The following PRKCE variants were observed in gnomAD, a reference collection of about 807,000 sequenced individuals.
PRKCE encodes protein kinase C epsilon type.
In PRKCE, 16 loss-of-function variants were observed where a neutral mutation model predicts 85.4. That is an observed-to-expected ratio of 0.19 (90% CI 0.13 to 0.28). The LOEUF is 0.28. Ranked by LOEUF, PRKCE falls within the 10% of genes least tolerant of loss-of-function variation. The pLI, the probability that PRKCE is intolerant of heterozygous loss-of-function variation, is 1.00. For missense variants in PRKCE, 573 were observed against 975.2 expected, an observed-to-expected ratio of 0.59 and a Z score of 5.49; for synonymous variants, 388 against 371.5, an observed-to-expected ratio of 1.04 and a Z score of -0.51.
intron 1 of PRKCE, among the ~76,000 whole-genome samples, chr2:45,765,526 T>C (rs1030104853): frequency 1.3e-5 from 2 of 152,246 alleles, no homozygotes; most frequent in Admixed American, 6.5e-5. Context: ...ATACCTTTTG[T>C]GGTTTGCTTC....
At chr2:46,100,679 A>G (rs1185414566) in intron 11 of PRKCE, among the ~76,000 whole-genome samples, 2 of 152,184 alleles carry the variant, frequency 1.3e-5, no homozygotes, top group Non-Finnish European at 1.5e-5. Context: ...AACTAAGAAA[A>G]ATATCTGTTG....
chr2:45,922,796 G>C (rs1033610018), intron 2 of PRKCE, among the ~76,000 whole-genome samples: 2 of 152,176 alleles, frequency 1.3e-5, no homozygotes, highest in African/African-American at 4.8e-5. Context: ...CAGTGCAAAC[G>C]GGTGTATCTT....
At chr2:46,035,066 G>A (rs1398291978) in intron 10 of PRKCE, among the ~76,000 whole-genome samples, 1 of 152,204 alleles carries the variant, frequency 6.6e-6, no homozygotes, top group Non-Finnish European at 1.5e-5. Context: ...GAAGCTGAAG[G>A]TCTCACCCTT....
chr2:45,890,784 T>C (rs781781235), intron 2 of PRKCE, among the ~76,000 whole-genome samples: 9 of 152,216 alleles, frequency 5.9e-5, no homozygotes, highest in South Asian at 2.1e-4. Flanking sequence ...TACAAGTATA[T>C]GGAGTGCCTA....
rs1236280845 is a variant in PRKCE, at chr2:45,744,535, C to CTTCT, written c.348+92101_348+92104dup. Among the ~76,000 whole-genome samples the CTTCT allele has an allele frequency of 4.7e-3, 137 of 29,114 alleles. 8 individuals are homozygous for CTTCT. The highest frequency in any genetic ancestry group is 0.021 in the Middle Eastern group (1 of 48). 19.1% of individuals were successfully genotyped at this position (29,114 alleles called of 152,430 possible). A position where few individuals can be genotyped will look rare whatever the true frequency, so the allele number is the denominator to read the frequency against. ...TTCTTTCTTTCTTTCTTTTTCTTTC[C>CTTCT]TTCTTTCTTTCTTTCTTCCTTCCTT... On this transcript the variant is annotated intron_variant, in intron 1 of 14. Transcript: ENST00000306156.
intron 1 of PRKCE, among the ~76,000 whole-genome samples, chr2:45,811,540 A>G (rs537356912): frequency 6.6e-6 from 1 of 152,356 alleles, no homozygotes; most frequent in African/African-American, 2.4e-5. Context: ...CCTGCGTTGT[A>G]ATTTTTCTTA....
intron 2 of PRKCE, among the ~76,000 whole-genome samples, chr2:45,938,910 G>T (rs147808499): frequency 6.6e-6 from 1 of 152,112 alleles, no homozygotes; most frequent in African/African-American, 2.4e-5. Context: ...CACCTCATTC[G>T]TAACTCTTTC....
chr2:45,763,015 G>A (rs746486137), intron 1 of PRKCE, among the ~76,000 whole-genome samples: 29 of 150,930 alleles, frequency 1.9e-4, no homozygotes, highest in Admixed American at 3.3e-4. Flanking sequence ...GCAGTGGCGC[G>A]ATCTCGGCTC....
intron 7 of PRKCE, among the ~76,000 whole-genome samples, chr2:46,002,527 A>T (rs948497134): frequency 6.6e-6 from 1 of 152,302 alleles, no homozygotes; most frequent in Admixed American, 6.5e-5. Flanking sequence ...CTTCTCTTGT[A>T]TAGGAAAGGT....
chr2:46,032,423 C>T (rs952381148), intron 10 of PRKCE, among the ~76,000 whole-genome samples: 5 of 152,220 alleles, frequency 3.3e-5, no homozygotes, highest in Admixed American at 3.3e-4. Flanking sequence ...CGCCATCCCT[C>T]TCTTAAAATG....
intron 10 of PRKCE, among the ~76,000 whole-genome samples, chr2:46,048,060 T>G (rs1708633428): frequency 1.3e-5 from 2 of 152,166 alleles, no homozygotes; most frequent in East Asian, 1.9e-4. Context: ...ACTCACCTAC[T>G]TCTAAACAGC....
At chr2:45,839,871 G>A (rs1443117643) in intron 1 of PRKCE, among the ~76,000 whole-genome samples, 1 of 152,220 alleles carries the variant, frequency 6.6e-6, no homozygotes, top group Non-Finnish European at 1.5e-5. Context: ...TGTTGCTTTT[G>A]GCATGTTTAA....
chr2:45,682,526 A>G (rs1676986415), intron 1 of PRKCE, among the ~76,000 whole-genome samples: 1 of 152,198 alleles, frequency 6.6e-6, no homozygotes, highest in Non-Finnish European at 1.5e-5. Flanking sequence ...TCCTGGGTTC[A>G]AGTGACTCTT....
intron 1 of PRKCE, among the ~76,000 whole-genome samples, chr2:45,655,873 G>C (rs1281868766): frequency 6.9e-6 from 1 of 145,152 alleles, no homozygotes. Flanking sequence ...AAAAAAAAAG[G>C]TAGGGAGAAC....
At chr2:46,016,573 T>C (rs1386605750) in intron 10 of PRKCE, among the ~76,000 whole-genome samples, 1 of 152,140 alleles carries the variant, frequency 6.6e-6, no homozygotes. Flanking sequence ...CCTCTTTGCA[T>C]ATAAGGAAAC....
intron 10 of PRKCE, among the ~76,000 whole-genome samples, chr2:46,085,888 C>G (rs1393034105): frequency 6.6e-6 from 1 of 152,112 alleles, no homozygotes; most frequent in Non-Finnish European, 1.5e-5. Context: ...AGGGCAGAGA[C>G]TTGTCCAAGA....
chr2:45,712,544 A>G (rs1298427344), intron 1 of PRKCE, among the ~76,000 whole-genome samples: 2 of 152,150 alleles, frequency 1.3e-5, no homozygotes, highest in Non-Finnish European at 2.9e-5. Context: ...GGTGGCCTCC[A>G]GGAACGTCTC....
chr2:45,883,960 G>C (rs1191393148), intron 2 of PRKCE, among the ~76,000 whole-genome samples: 1 of 152,186 alleles, frequency 6.6e-6, no homozygotes, highest in Non-Finnish European at 1.5e-5. Flanking sequence ...CTGCAGAGTC[G>C]CTCAGAATCT....
At position 45,898,684 on chromosome 2, in the gene PRKCE, G is replaced by A. The variant is rs143130081; in HGVS notation, c.412+55621G>A. 3.3e-5 allele frequency among the ~76,000 whole-genome samples: 5 copies of A among 152,352 alleles called. No individual in the cohort carries two copies. In the East Asian group the frequency reaches 7.7e-4, roughly 23 times the overall value. On this transcript the variant is annotated intron_variant, in intron 2 of 14. Transcript: ENST00000306156. ...CTGTTACTGTGGGAAGAGAGTACCA[G>A]TGTGGGAGATGGAGAGGGGTGGGAC...
Sources: allele counts gnomAD v4.1 joint callset (sites outside exome capture counted in the v4.1 genomes callset), GRCh38; gene constraint gnomAD v4.1.1; transcripts MANE v1.5; gene names NCBI Gene and HGNC (gene_info 2026-07-23, HGNC 2026-07-21).